KIF13B: variants seen among roughly 807,000 people sequenced by gnomAD.
The protein encoded by KIF13B is kinesin family member 13B, also known as kinesin-like protein KIF13B.
A neutral mutation model predicts 222.0 loss-of-function variants in KIF13B; 127 were observed. That is an observed-to-expected ratio of 0.57 (90% confidence interval 0.50 to 0.66). The LOEUF is 0.66. Among genes scored for constraint, KIF13B ranks in the 30% least tolerant of loss-of-function variants. The probability of loss-of-function intolerance (pLI) is 0.00; values close to 1 mark genes in which losing one functional copy is unlikely to be tolerated. For missense variants in KIF13B, 2,173 were observed against 2,379.0 expected (o/e 0.91, Z 1.80); for synonymous variants, 976 against 919.0 (o/e 1.06, Z -1.12).
At chr8:29,166,883 A>T (rs1461395192) in intron 11 of KIF13B, among the ~76,000 whole-genome samples, 2 of 152,212 alleles carry the variant, frequency 1.3e-5, no homozygotes, top group Non-Finnish European at 1.5e-5. Context: ...ATACATGGGT[A>T]CTTCTACTAC....
chr8:29,199,381 T>C (rs1813584240), intron 2 of KIF13B, among the ~76,000 whole-genome samples: 2 of 152,086 alleles, frequency 1.3e-5, no homozygotes, highest in African/African-American at 4.8e-5. Context: ...CTCAGAAAAG[T>C]CAACCCGTCT....
At chr8:29,170,223 A>C (rs1168596361) in intron 10 of KIF13B, among the ~76,000 whole-genome samples, 1 of 152,228 alleles carries the variant, frequency 6.6e-6, no homozygotes, top group Non-Finnish European at 1.5e-5. Flanking sequence ...CATAGGAAAG[A>C]ATTTACTTTT....
intron 31 of KIF13B, among the ~76,000 whole-genome samples, chr8:29,116,540 A>G (rs1384028965): frequency 6.6e-6 from 1 of 152,232 alleles, no homozygotes; most frequent in Admixed American, 6.5e-5. Context: ...TGAAAAGGCA[A>G]CAACCAAACC....
intron 2 of KIF13B, among the ~76,000 whole-genome samples, chr8:29,228,472 A>AAAAAAAAAAATATATATAT: frequency 2.5e-4 from 29 of 117,062 alleles, no homozygotes; most frequent in African/African-American, 6.2e-4. Flanking sequence ...ATCTTAAAAA[A>AAAAAAAAAAATATATATAT]ATATATATAT....
chr8:29,193,388 C>A (rs1813276823), intron 3 of KIF13B, among the ~76,000 whole-genome samples: 1 of 152,166 alleles, frequency 6.6e-6, no homozygotes. Flanking sequence ...GGGGGAGCTG[C>A]CTTGCAAACT....
At chr8:29,209,267 C>T (rs1173438759) in intron 2 of KIF13B, among the ~76,000 whole-genome samples, 3 of 152,168 alleles carry the variant, frequency 2.0e-5, no homozygotes, top group African/African-American at 7.2e-5. Context: ...CGTACCCAGG[C>T]TACAGAAAGA....
At chr8:29,170,193 G>T (rs951896330) in intron 10 of KIF13B, among the ~76,000 whole-genome samples, 2 of 152,202 alleles carry the variant, frequency 1.3e-5, no homozygotes, top group Admixed American at 6.5e-5. Flanking sequence ...TTCAAAGGTG[G>T]CAACAGCAAA....
intron 31 of KIF13B, among the ~76,000 whole-genome samples, chr8:29,114,006 A>C (rs1809479495): frequency 6.6e-6 from 1 of 152,226 alleles, no homozygotes; most frequent in Non-Finnish European, 1.5e-5. Context: ...TCTTGACCAA[A>C]GCAAGATCGT....
chr8:29,079,639 G>A (rs560278607), intron 37 of KIF13B, among the ~76,000 whole-genome samples: 2 of 152,292 alleles, frequency 1.3e-5, no homozygotes, highest in Non-Finnish European at 2.9e-5. Context: ...AGAGGTCCCA[G>A]TTGAAACAAA....
At chr8:29,116,806 G>A (rs771297011) in intron 31 of KIF13B, 25 bp downstream of exon 31, 4 of 1,581,644 alleles carry the variant, frequency 2.5e-6, no homozygotes, top group Admixed American at 3.4e-5. Context: ...TGTGGTTAGA[G>A]TCGTTTCTTC....
chr8:29,216,319 G>A (rs558425835), intron 2 of KIF13B, among the ~76,000 whole-genome samples: 4 of 152,218 alleles, frequency 2.6e-5, no homozygotes, highest in Non-Finnish European at 4.4e-5. Flanking sequence ...GTACTAGGCC[G>A]GGCGCAGTGG....
intron 21 of KIF13B, 111 bp downstream of exon 21, chr8:29,139,952 T>G (rs1343838797): frequency 2.1e-6 from 2 of 958,670 alleles, no homozygotes; most frequent in African/African-American, 3.3e-5. Context: ...GTTCTCAAAA[T>G]CAGCTATTAG....
At position 29,136,681 on chromosome 8, in the gene KIF13B, C is replaced by T. The variant is rs573953924; in HGVS notation, c.2614-2471G>A. On this transcript the variant is annotated intron_variant, in intron 21 of 39. Coordinates refer to ENST00000524189, the MANE Select transcript of KIF13B (RefSeq NM_015254.4). The stretch of plus-strand genomic sequence containing the variant: ...TCAAATTACTTAAATTCTTAGTTTT[C>T]TTAGGCTTCGTTTTCTCCTAGGTGA... Among the ~76,000 whole-genome samples, 53 of 151,494 alleles carry T rather than the reference C, an allele frequency of 3.5e-4. 1 individual carries two copies. In the South Asian group the frequency reaches 1.0e-2, roughly 29 times the overall value.
At chr8:29,249,245 T>C (rs1273852543) in intron 1 of KIF13B, among the ~76,000 whole-genome samples, 1 of 151,898 alleles carries the variant, frequency 6.6e-6, no homozygotes, top group South Asian at 2.1e-4. Context: ...CTGGCCAACA[T>C]GGTGAAACCC....
chr8:29,222,566 G>C (rs1278057441), intron 2 of KIF13B, among the ~76,000 whole-genome samples: 3 of 104,374 alleles, frequency 2.9e-5, no homozygotes, highest in African/African-American at 3.7e-5. Flanking sequence ...GTAGAGACAG[G>C]GTGTCACTAT....
chr8:29,123,855 G>A lies in KIF13B; in HGVS notation c.3352+169C>T, dbSNP rs145124346. On this transcript the variant is annotated intron_variant, in intron 27 of 39. Coordinates refer to ENST00000524189, the MANE Select transcript of KIF13B (RefSeq NM_015254.4). ...GGGAGGAAGACCTCCACCAAGATACGACAGCTGGATAAAGGATATGACATA... is the reference window on the plus strand; with the variant it reads ...GGGAGGAAGACCTCCACCAAGATACAACAGCTGGATAAAGGATATGACATA... Among the ~76,000 whole-genome samples the A allele has an allele frequency of 8.4e-3, 1,276 of 152,254 alleles. 5 individuals are homozygous for A. The highest frequency in any genetic ancestry group is 0.015 in the African/African-American group (638 of 41,552).
intron 34 of KIF13B, 75 bp from the exon 35 acceptor site, chr8:29,108,267 G>C: frequency 7.0e-7 from 1 of 1,422,540 alleles, no homozygotes; most frequent in South Asian, 1.2e-5. Context: ...GCCAGTCTTT[G>C]CCAACCCAGT....
chr8:29,207,189 C>T (rs182890732), intron 2 of KIF13B, among the ~76,000 whole-genome samples: 4 of 152,328 alleles, frequency 2.6e-5, no homozygotes, highest in East Asian at 1.9e-4. Flanking sequence ...CAATCTCCTA[C>T]GCCCGTGCTT....
At chr8:29,083,868 G>C (rs1315309851) in intron 37 of KIF13B, among the ~76,000 whole-genome samples, 2 of 152,128 alleles carry the variant, frequency 1.3e-5, no homozygotes, top group African/African-American at 4.8e-5. Context: ...TAAATAACCT[G>C]AAAGTTTAAG....
Sources: gnomAD v4.1 joint callset for allele counts (sites outside exome capture counted in the v4.1 genomes callset) on GRCh38, gnomAD v4.1.1 for gene constraint, MANE v1.5 for transcripts, NCBI Gene and HGNC (gene_info 2026-07-23, HGNC 2026-07-21) for gene names.